PGC: variants seen among roughly 807,000 people sequenced by gnomAD.
PGC encodes the protein gastricsin.
A neutral mutation model predicts 45.9 loss-of-function variants in PGC; 31 were observed. The ratio of observed to expected loss-of-function variants is 0.67; its 90% CI spans 0.51 to 0.91. The LOEUF (loss-of-function observed/expected upper bound fraction) is 0.91. Among genes scored for constraint, PGC ranks in the 40% least tolerant of loss-of-function variants. The pLI is 0.00. For synonymous variants in PGC, 192 were observed against 201.8 expected (o/e 0.95, Z 0.41); for missense variants, 477 against 493.2 (o/e 0.97, Z 0.31).
At chr6:41,741,667 A>ACAAAG (rs1771827434) in intron 5 of PGC, 2 of 693,484 alleles carry the variant, frequency 2.9e-6, no homozygotes, top group Non-Finnish European at 5.0e-6. Flanking sequence ...ACAAAACAAA[A>ACAAAG]CAAAAGCAAG....
chr6:41,743,366 T>TG lies in PGC; in HGVS notation c.351dup (p.Ser118GlnfsTer29). The stretch of plus-strand genomic sequence containing the variant: ...TTGGTGGAGTAGGTGGACGACTCGC[T>TG]GGGGTTGAAGCGGGAGTGACTGGCT... On this transcript the variant is annotated frameshift_variant, in exon 4 of 9. Transcript: ENST00000373025. LOFTEE classifies it high-confidence loss of function. 1.2e-6 allele frequency: 2 copies of TG among 1,613,676 alleles called. No individual in the cohort carries two copies. Among genetic ancestry groups the TG allele is most frequent in the Non-Finnish European group, 8.5e-7 (1 of 1,179,620 alleles).
chr6:41,740,449 C>T (rs775961711), intron 6 of PGC, 42 bp downstream of exon 6: 1 of 1,579,646 alleles, frequency 6.3e-7, no homozygotes, highest in East Asian at 2.3e-5. Context: ...GAAGCCCACT[C>T]CAAGGAAGTG....
intron 1 of PGC, among the ~76,000 whole-genome samples, chr6:41,745,548 A>ACTTTT (rs757004562): frequency 1.4e-5 from 2 of 138,670 alleles, no homozygotes; most frequent in African/African-American, 2.7e-5. Context: ...CAGGATATGT[A>ACTTTT]GTTTTTTTTT....
At position 41,738,217 on chromosome 6, in the gene PGC, T is replaced by TATATATATAC. The variant is rs1561879928; in HGVS notation, c.916-390_916-389insGTATATATAT. On this transcript the variant is annotated intron_variant, in intron 7 of 8. Coordinates refer to ENST00000373025, the MANE Select transcript of PGC (RefSeq NM_002630.4). ...ATATATATATGCATATATATATGCA[T>TATATATATAC]ATATATATGCATATATATATGTATA... 8.3e-4 allele frequency among the ~76,000 whole-genome samples: 28 copies of TATATATATAC among 33,612 alleles called. 1 individual carries two copies. Among genetic ancestry groups the TATATATATAC allele is most frequent in the Admixed American group, 1.7e-3 (4 of 2,380 alleles). The allele number at this position is 33,612 out of a possible 152,430, so 22.1% of individuals were successfully genotyped here.
chr6:41,743,123 G>A (rs140868725), intron 4 of PGC, 148 bp downstream of exon 4: 1 of 694,026 alleles, frequency 1.4e-6, no homozygotes. Flanking sequence ...GAGTGTTGGG[G>A]GAGTGACTGA....
chr6:41,742,417 C>T lies in PGC; in HGVS notation c.520G>A (p.Ala174Thr). Reference sequence around the variant, plus strand: ...AGGCCCATGATGCCATCAAACTGCGCATAGACGAAGTTGGTACCAGGCTCA... The same window carrying T: ...AGGCCCATGATGCCATCAAACTGCGTATAGACGAAGTTGGTACCAGGCTCA... ...ENEPGTNFVY[A>T]QFDGIMGLAY... is the part of the protein sequence containing the mutation. The change falls in exon 5 of 9, where the codon GCG (alanine) becomes ACG (threonine). Residue 174 changes from alanine to threonine, a missense_variant. Coordinates refer to ENST00000373025, the MANE Select transcript of PGC (RefSeq NM_002630.4). 6.2e-7 allele frequency: 1 copy of T among 1,614,074 alleles called. No individual in the cohort carries two copies. Among genetic ancestry groups the T allele is most frequent in the Non-Finnish European group, 8.5e-7 (1 of 1,179,968 alleles).
In PGC at chr6:41,739,846, T is replaced by C. The variant is rs376241731; in HGVS notation, c.868A>G (p.Ser290Gly). Residue 290 changes from serine (S) to glycine (G), a missense_variant, in exon 7 of 9, where the codon AGT (serine) becomes GGT (glycine). Coordinates refer to ENST00000373025, the MANE Select transcript of PGC (RefSeq NM_002630.4). ...GCCCCTGTGGCCTGCAGAAGAGCACTCATGTACTGCTGGGGCACAGTGAGC... is the reference window on the plus strand; with the variant it reads ...GCCCCTGTGGCCTGCAGAAGAGCACCCATGTACTGCTGGGGCACAGTGAGC... ...SLLTVPQQYM[S>G]ALLQATGAQE... is the part of the protein sequence containing the mutation. 6.2e-6 allele frequency: 10 copies of C among 1,613,982 alleles called. No homozygotes were observed. The highest frequency in any genetic ancestry group is 8.5e-6 in the Non-Finnish European group (10 of 1,180,008).
chr6:41,745,643 G>A (rs916427371), intron 1 of PGC, among the ~76,000 whole-genome samples: 80 of 149,272 alleles, frequency 5.4e-4, no homozygotes, highest in Non-Finnish European at 5.5e-4. Flanking sequence ...TCCACCTCCC[G>A]AGTTCAAGCT....
intron 5 of PGC, chr6:41,741,857 TA>T: frequency 6.5e-7 from 1 of 1,527,978 alleles, no homozygotes; most frequent in Non-Finnish European, 8.8e-7. Flanking sequence ...GAACAATAGA[TA>T]AAAGGAGATG....
At position 41,747,396 on chromosome 6, in the gene PGC, G is replaced by A; in HGVS notation, c.-62C>T. On this transcript the variant is annotated 5_prime_UTR_variant, in exon 1 of 9. Transcript: ENST00000373025. ...CTCTGAGTTCTGCAGTCGCAGTGGA[G>A]TGAAGACCTGGGCACTCTTTCCTCT... 7.2e-7 allele frequency: 1 copy of A among 1,396,038 alleles called. No homozygotes were observed. Among genetic ancestry groups the A allele is most frequent in the Non-Finnish European group, 1.0e-6 (1 of 982,940 alleles). The allele number at this position is 1,396,038 out of a possible 1,614,324, so 86.5% of individuals were successfully genotyped here.
intron 8 of PGC, 23 bp from the exon 9 acceptor site, chr6:41,737,027 A>G: frequency 1.9e-6 from 3 of 1,605,290 alleles, no homozygotes; most frequent in Middle Eastern, 1.9e-4. Context: ...GAAAGGCAGC[A>G]CTCATTCATT....
Position 41,736,810 on chromosome 6 carries a change from G to T in PGC, c.*42C>A, listed in dbSNP as rs374573617. ...GATACAATGCCCTAGGAGGGTGCAG[G>T]GTCAAGAGGAAGAGGGGAGCCCACG... On this transcript the variant is annotated 3_prime_UTR_variant, in exon 9 of 9. Transcript: ENST00000373025. 48 of 1,608,486 alleles carry T rather than the reference G, an allele frequency of 3.0e-5. No homozygotes were observed. The African/African-American group carries it at 4.8e-4, about 16-fold the overall frequency.
intron 5 of PGC, chr6:41,741,788 A>G: frequency 3.3e-6 from 5 of 1,535,216 alleles, no homozygotes; most frequent in Non-Finnish European, 4.4e-6. Flanking sequence ...ACTGGCAAGG[A>G]TAACAACCTG....
chr6:41,744,691 G>A lies in PGC; in HGVS notation c.177C>T (p.Leu59=), dbSNP rs1452080034. The A allele has an allele frequency of 6.2e-7, 1 of 1,614,178 alleles. No individual in the cohort carries two copies. The highest frequency in any genetic ancestry group is 1.3e-5 in the African/African-American group (1 of 75,050). The change falls in exon 2 of 9, where the codon CTC becomes CTT. Residue 59 remains leucine (L), a synonymous_variant. Coordinates refer to ENST00000373025, the MANE Select transcript of PGC (RefSeq NM_002630.4). This position sits in a 1 kb window ranked among gnomAD's most constrained non-coding sequence, Gnocchi z 4.4. ...AGGCCATGGGCTCGTAGGTCACGCT[G>A]AGGTCACCAAAGCGGTACTTCCAAG... ...DPAWKYRFGD[L]SVTYEPMAYM...
At position 41,744,494 on chromosome 6, in the gene PGC, G is replaced by T; in HGVS notation, c.231C>A (p.Ile77=). The change falls in exon 3 of 9, where the codon ATC becomes ATA. Residue 77 remains isoleucine, a synonymous_variant. Coordinates refer to ENST00000373025, the MANE Select transcript of PGC (RefSeq NM_002630.4). This position sits in a 1 kb window ranked among gnomAD's most constrained non-coding sequence, Gnocchi z 4.4. ...AGTTCTGGGGTGGAGTCCCGATGCT[G>T]ATCTCACCAAAGTAGGCAGCCTGGG... ...AYMDAAYFGE[I]SIGTPPQNFL... 6.2e-7 allele frequency: 1 copy of T among 1,613,794 alleles called. No homozygotes were observed. The highest frequency in any genetic ancestry group is 8.5e-7 in the Non-Finnish European group (1 of 1,179,744).
At position 41,742,238 on chromosome 6, in the gene PGC, G is replaced by A. The variant is rs1298178302; in HGVS notation, c.647+52C>T. ...TGAGCACTGAGCCTCAGTCGTCCAG[G>A]GCGGCCGGGGGAGCATCCCGGGAGG... On this transcript the variant is annotated intron_variant, in intron 5 of 8. Coordinates refer to ENST00000373025, the MANE Select transcript of PGC (RefSeq NM_002630.4). 10 of 1,533,266 alleles carry A rather than the reference G, an allele frequency of 6.5e-6. No homozygotes were observed. The East Asian group carries it at 1.8e-4, about 28-fold the overall frequency. The allele number at this position is 1,533,266 out of a possible 1,614,324, so 95.0% of individuals were successfully genotyped here.
Position 41,741,161 on chromosome 6 carries a change from A to G in PGC, c.648-551T>C, listed in dbSNP as rs1409583426. On this transcript the variant is annotated intron_variant, in intron 5 of 8. Transcript: ENST00000373025. ...CAGGTAGGGTCTTGGTGAAGGGGGTAAGGATATTCCATGTTTGTTCCAGAG... is the reference window on the plus strand; with the variant it reads ...CAGGTAGGGTCTTGGTGAAGGGGGTGAGGATATTCCATGTTTGTTCCAGAG... 3.9e-6 allele frequency: 6 copies of G among 1,536,498 alleles called. No homozygotes were observed. In the Admixed American group the frequency reaches 5.9e-5, roughly 15 times the overall value.
chr6:41,744,729 TGTGG>T lies in PGC; in HGVS notation c.135_138del (p.His46SerfsTer15), dbSNP rs775836087. ...CGGTACTTCCAAGCAGGATCATACT[TGTGG>T]GTCCTCAGGAACTCCCCCAGCAAGC... On this transcript the variant is annotated frameshift_variant, in exon 2 of 9. Transcript: ENST00000373025. LOFTEE classifies it high-confidence loss of function. This position sits in a 1 kb window ranked among gnomAD's most constrained non-coding sequence, Gnocchi z 4.4. 4.3e-6 allele frequency: 7 copies of T among 1,614,112 alleles called. No homozygotes were observed. The Admixed American group carries it at 1.2e-4, about 27-fold the overall frequency.
In PGC at chr6:41,742,447, C is replaced by T. The variant is rs1244633978; in HGVS notation, c.490G>A (p.Glu164Lys). ...ACGAAGTTGGTACCAGGCTCATTCT[C>T]ACTCAAGCCGAACTCCTGGTTGGGG... ...QVPNQEFGLSENEPGTNFVYA... is the reference protein window; with the variant it reads ...QVPNQEFGLSKNEPGTNFVYA... Residue 164 changes from glutamate (E) to lysine (K), a missense_variant, in exon 5 of 9, where the codon GAG (glutamate) becomes AAG (lysine). Coordinates refer to ENST00000373025, the MANE Select transcript of PGC (RefSeq NM_002630.4). 1.2e-6 allele frequency: 2 copies of T among 1,614,072 alleles called. No individual in the cohort carries two copies. Among genetic ancestry groups the T allele is most frequent in the African/African-American group, 1.3e-5 (1 of 74,928 alleles).
Sources: allele counts gnomAD v4.1 joint callset (sites outside exome capture counted in the v4.1 genomes callset), GRCh38; gene constraint gnomAD v4.1.1; non-coding constraint Gnocchi (gnomAD v3.1); transcripts MANE v1.5; gene names NCBI Gene and HGNC (gene_info 2026-07-23, HGNC 2026-07-21).